MTMR6: variants seen among roughly 807,000 people sequenced by gnomAD.
The protein encoded by MTMR6 is phosphatidylinositol-3,5-bisphosphate 3-phosphatase MTMR6.
Under a neutral mutation model 80.1 loss-of-function variants are expected in MTMR6, and 47 were observed. The ratio of observed to expected loss-of-function variants is 0.59; its 90% confidence interval spans 0.46 to 0.75. The LOEUF (loss-of-function observed/expected upper bound fraction) is 0.75, where lower values mean the gene tolerates loss of function less well. Among genes scored for constraint, MTMR6 ranks in the 30% least tolerant of loss-of-function variants. The probability of loss-of-function intolerance (pLI) is 0.00; values close to 1 mark genes in which losing one functional copy is unlikely to be tolerated. For synonymous variants in MTMR6, 254 were observed against 253.0 expected (o/e 1.00, Z -0.04); for missense variants, 629 against 730.9 (o/e 0.86, Z 1.61).
chr13:25,273,156 A>G (rs1957619749), intron 2 of MTMR6, among the ~76,000 whole-genome samples: 1 of 152,102 alleles, frequency 6.6e-6, no homozygotes, highest in Admixed American at 6.5e-5. Context: ...GACAATATCA[A>G]TGTTGTTGAG....
At chr13:25,260,750 C>T in intron 6 of MTMR6, 3 of 845,254 alleles carry the variant, frequency 3.5e-6, no homozygotes, top group Non-Finnish European at 4.8e-6. Flanking sequence ...ATTTTAGTTT[C>T]AGGATCCTAT....
chr13:25,284,713 T>C (rs1261537912), intron 1 of MTMR6, among the ~76,000 whole-genome samples: 2 of 152,236 alleles, frequency 1.3e-5, no homozygotes, highest in African/African-American at 4.8e-5. Context: ...AGGCTATGCA[T>C]AATGGAAACA....
rs192395335 is a variant in MTMR6 at position 25,285,411 on chromosome 13, C to T, written c.24+1813G>A. On this transcript the variant is annotated intron_variant, in intron 1 of 13. Transcript: ENST00000381801. ...TCCGCCCCCCCCCCCCCAATTATGT[C>T]ACCCAGGCTGGAGGGCAATGGCGCA... Among the ~76,000 whole-genome samples, 126 of 117,804 alleles carry T rather than the reference C, an allele frequency of 1.1e-3. 2 individuals are homozygous for T. The highest frequency in any genetic ancestry group is 3.7e-3 in the African/African-American group (116 of 31,258). 77.3% of individuals were successfully genotyped at this position (117,804 alleles called of 152,430 possible). A position where few individuals can be genotyped will look rare whatever the true frequency, so the allele number is the denominator to read the frequency against.
chr13:25,266,291 A>C lies in MTMR6; in HGVS notation c.305-5T>G. On this transcript the variant is annotated splice_region_variant and splice_polypyrimidine_tract_variant and intron_variant, in intron 3 of 13. Coordinates refer to ENST00000381801, the MANE Select transcript of MTMR6 (RefSeq NM_004685.5). ...CATAGAGATCTTCATATTTTGCTAC[A>C]GAATACAAAATTTTAAATGTTAAGT... 6.2e-7 allele frequency: 1 copy of C among 1,602,726 alleles called. No homozygotes were observed. Among genetic ancestry groups the C allele is most frequent in the East Asian group, 2.2e-5 (1 of 44,828 alleles).
chr13:25,252,135 C>T, intron 11 of MTMR6, 151 bp from the exon 12 acceptor site: 1 of 768,250 alleles, frequency 1.3e-6, no homozygotes, highest in South Asian at 1.8e-5. Context: ...TCTCAGAATT[C>T]TGTATTATCT....
chr13:25,285,968 T>C (rs1043179118), intron 1 of MTMR6, among the ~76,000 whole-genome samples: 1 of 152,224 alleles, frequency 6.6e-6, no homozygotes, highest in Non-Finnish European at 1.5e-5. Context: ...TACAAGAACC[T>C]GATCCAATGT....
intron 3 of MTMR6, among the ~76,000 whole-genome samples, chr13:25,266,800 A>T (rs1239927352): frequency 6.6e-6 from 1 of 152,190 alleles, no homozygotes; most frequent in Non-Finnish European, 1.5e-5. Context: ...AGACAATAGG[A>T]TGTTACAGGC....
chr13:25,273,355 C>T (rs939366293), intron 2 of MTMR6, among the ~76,000 whole-genome samples: 8 of 151,964 alleles, frequency 5.3e-5, no homozygotes, highest in Non-Finnish European at 1.2e-4. Flanking sequence ...TATAAATACA[C>T]AAAATGTTGT....
Position 25,261,665 on chromosome 13 carries a change from T to C in MTMR6, c.726+3A>G. ...CAGACTGTACTGTATTTAAAATACA[T>C]ACTTTTGGCCTGGTATCCATGACGT... is the stretch of plus-strand genomic sequence containing the variant. On this transcript the variant is annotated splice_donor_region_variant and intron_variant, in intron 6 of 13. Coordinates refer to ENST00000381801, the MANE Select transcript of MTMR6 (RefSeq NM_004685.5). 6.2e-7 allele frequency: 1 copy of C among 1,605,714 alleles called. No homozygotes were observed. Among genetic ancestry groups the C allele is most frequent in the South Asian group, 1.1e-5 (1 of 89,740 alleles).
rs1957018846 is a variant in MTMR6, at chr13:25,248,129, A to C, written c.*1103T>G. ...TTTTTTTCTATATTTAACAAGAAGA[A>C]AAATAATGCTCCACATAGAAATGAC... On this transcript the variant is annotated 3_prime_UTR_variant, in exon 14 of 14. Transcript: ENST00000381801. The C allele has an allele frequency of 6.6e-6, 1 of 152,112 alleles. No individual in the cohort carries two copies. Among genetic ancestry groups the C allele is most frequent in the South Asian group, 2.1e-4 (1 of 4,836 alleles). 9.4% of individuals were successfully genotyped at this position (152,112 alleles called of 1,614,324 possible).
intron 1 of MTMR6, among the ~76,000 whole-genome samples, chr13:25,279,721 G>A (rs1265849346): frequency 1.3e-5 from 2 of 152,096 alleles, no homozygotes; most frequent in African/African-American, 4.8e-5. Flanking sequence ...AGAAACTACT[G>A]TAAATGATGA....
At chr13:25,268,979 C>A (rs1295301701) in intron 2 of MTMR6, among the ~76,000 whole-genome samples, 1 of 152,204 alleles carries the variant, frequency 6.6e-6, no homozygotes, top group Non-Finnish European at 1.5e-5. Context: ...AAGTTGTGGA[C>A]ATGTCCCAAT....
chr13:25,264,110 C>T (rs1957398286), intron 5 of MTMR6, among the ~76,000 whole-genome samples: 1 of 151,766 alleles, frequency 6.6e-6, no homozygotes, highest in African/African-American at 2.4e-5. Context: ...CTTTAACATC[C>T]TCAAAGAACT....
chr13:25,285,362 A>G (rs1232941447), intron 1 of MTMR6, among the ~76,000 whole-genome samples: 2 of 145,202 alleles, frequency 1.4e-5, no homozygotes, highest in South Asian at 2.1e-4. Flanking sequence ...GATTCAGTTT[A>G]CTTTTACTGA....
rs781082057 is a variant in MTMR6, at chr13:25,257,215, C to T, written c.1076G>A (p.Arg359Lys). 8 of 1,613,458 alleles carry T rather than the reference C, an allele frequency of 5.0e-6. No individual in the cohort carries two copies. The highest frequency in any genetic ancestry group is 5.9e-6 in the Non-Finnish European group (7 of 1,179,742). The change falls in exon 9 of 14, where the codon AGG becomes AAG. Residue 359 changes from arginine (R) to lysine (K), a missense_variant. Transcript: ENST00000381801. ...LGSLLLDSYY[R>K]TIKGFMVLIE... ...CCTTACCATGAATCCTTTGATTGTC[C>T]TGTAGTAGGAATCCAATAAAAGAGA...
At chr13:25,261,852 C>A in intron 5 of MTMR6, 50 bp from the exon 6 acceptor site, 2 of 1,504,488 alleles carry the variant, frequency 1.3e-6, no homozygotes, top group South Asian at 1.3e-5. Flanking sequence ...TCTAAAATGT[C>A]TTTAAAGATG....
At chr13:25,275,023 G>A (rs953352798) in intron 1 of MTMR6, among the ~76,000 whole-genome samples, 2 of 105,470 alleles carry the variant, frequency 1.9e-5, no homozygotes, top group Admixed American at 9.8e-5. Context: ...TGCTGCTGGC[G>A]TGGAGAGTGG....
At chr13:25,262,228 C>G (rs901461032) in intron 5 of MTMR6, among the ~76,000 whole-genome samples, 6 of 152,128 alleles carry the variant, frequency 3.9e-5, no homozygotes, top group African/African-American at 1.4e-4. Flanking sequence ...TTTAAGATCT[C>G]TAATTAGAAA....
At position 25,249,521 on chromosome 13, in the gene MTMR6, A is replaced by G. The variant is rs775673219; in HGVS notation, c.1606-29T>C. 4 of 1,600,942 alleles carry G rather than the reference A, an allele frequency of 2.5e-6. 1 individual carries two copies. The East Asian group carries it at 9.0e-5, about 36-fold the overall frequency. ...GAACAAACACAAATTTGAAAAAATT[A>G]CTAATTGCATAAGCCACAATATGTT... On this transcript the variant is annotated intron_variant, in intron 13 of 13. Transcript: ENST00000381801.
Sources: allele counts gnomAD v4.1 joint callset (sites outside exome capture counted in the v4.1 genomes callset), GRCh38; gene constraint gnomAD v4.1.1; transcripts MANE v1.5; gene names NCBI Gene and HGNC (gene_info 2026-07-23, HGNC 2026-07-21).